ZYG11B: variants seen among roughly 807,000 people sequenced by gnomAD.
ZYG11B encodes zyg-11 family member B, cell cycle regulator, also known as protein zyg-11 homolog B.
Under a neutral mutation model 82.4 loss-of-function variants are expected in ZYG11B, and 36 were observed. The observed-to-expected ratio is 0.44, with a 90% CI of 0.33 to 0.58. ZYG11B has a LOEUF of 0.58. Among genes scored for constraint, ZYG11B ranks in the 20% least tolerant of loss-of-function variants. The pLI is 0.02. For synonymous variants in ZYG11B, 303 were observed against 312.8 expected, an observed-to-expected ratio of 0.97 and a Z score of 0.33; for missense variants, 552 against 895.6, an observed-to-expected ratio of 0.62 and a Z score of 4.90.
intron 12 of ZYG11B, among the ~76,000 whole-genome samples, chr1:52,816,100 A>AT (rs1396486522): frequency 2.0e-5 from 3 of 152,006 alleles, no homozygotes; most frequent in South Asian, 2.1e-4. Context: ...TGTTGCCAAC[A>AT]TTTTTTTTAT....
chr1:52,795,275 A>G (rs934188311), intron 6 of ZYG11B, among the ~76,000 whole-genome samples: 11 of 152,092 alleles, frequency 7.2e-5, no homozygotes, highest in African/African-American at 2.7e-4. Context: ...TCCTTCACCC[A>G]TGTAGGATGT....
rs1351006767 is a variant in ZYG11B, at chr1:52,813,849, T to C, written c.1894-11T>C. On this transcript the variant is annotated splice_polypyrimidine_tract_variant and intron_variant, in intron 11 of 13. Transcript: ENST00000294353. ...ATTGTAATCCTTTCTTGTGTGTCTTTTGTCTTCCAGCATTCAGCTATTTTG... is the reference window on the plus strand; with the variant it reads ...ATTGTAATCCTTTCTTGTGTGTCTTCTGTCTTCCAGCATTCAGCTATTTTG... 2 of 1,613,978 alleles carry C rather than the reference T, an allele frequency of 1.2e-6. No homozygotes were observed. The highest frequency in any genetic ancestry group is 1.7e-6 in the Non-Finnish European group (2 of 1,180,014).
chr1:52,781,176 C>T (rs546347369), intron 4 of ZYG11B, among the ~76,000 whole-genome samples: 1 of 152,132 alleles, frequency 6.6e-6, no homozygotes, highest in South Asian at 2.1e-4. Context: ...CCTTTAACCA[C>T]TAGAAGTCTA....
At chr1:52,765,341 C>T (rs114799407) in intron 2 of ZYG11B, among the ~76,000 whole-genome samples, 1 of 151,946 alleles carries the variant, frequency 6.6e-6, no homozygotes, top group East Asian at 1.9e-4. Context: ...TAGCTGAGAT[C>T]ACAGGTGCAT....
Position 52,726,579 on chromosome 1 carries a change from C to T in ZYG11B, c.-75C>T. 1.5e-6 allele frequency: 2 copies of T among 1,348,830 alleles called. No individual in the cohort carries two copies. The highest frequency in any genetic ancestry group is 1.8e-5 in the South Asian group (1 of 56,000). 83.6% of individuals were successfully genotyped at this position (1,348,830 alleles called of 1,614,324 possible). On this transcript the variant is annotated 5_prime_UTR_variant, in exon 1 of 14. Coordinates refer to ENST00000294353, the MANE Select transcript of ZYG11B (RefSeq NM_024646.3). ...CGGAGCCGCCGCTCGCCGGAGCCTC[C>T]TGGAGCCTCCGCGCCGGCTCAGCCT...
At position 52,796,280 on chromosome 1, in the gene ZYG11B, T is replaced by G; in HGVS notation, c.1335-12T>G. Reference sequence around the variant, plus strand: ...CCACGATTAATTCATGAAACCCTTTTTGTGTTTTCAGGTTTGAAGCAGCCA... The same window carrying G: ...CCACGATTAATTCATGAAACCCTTTGTGTGTTTTCAGGTTTGAAGCAGCCA... On this transcript the variant is annotated splice_polypyrimidine_tract_variant and intron_variant, in intron 6 of 13. Transcript: ENST00000294353. 1 of 1,609,460 alleles carries G rather than the reference T, an allele frequency of 6.2e-7. No individual in the cohort carries two copies. Among genetic ancestry groups the G allele is most frequent in the Non-Finnish European group, 8.5e-7 (1 of 1,175,972 alleles).
At chr1:52,813,503 C>T in intron 10 of ZYG11B, 33 bp from the exon 11 acceptor site, 1 of 1,507,162 alleles carries the variant, frequency 6.6e-7, no homozygotes, top group South Asian at 1.2e-5. Context: ...ATACATATTA[C>T]ATTAATTTTT....
chr1:52,770,805 G>T (rs1644743605), intron 2 of ZYG11B, among the ~76,000 whole-genome samples: 1 of 152,152 alleles, frequency 6.6e-6, no homozygotes, highest in Non-Finnish European at 1.5e-5. Flanking sequence ...TCCTGATTCT[G>T]CCACTTGCTA....
At chr1:52,756,408 C>T (rs1470608294) in intron 1 of ZYG11B, 50 bp from the exon 2 acceptor site, 1 of 1,565,438 alleles carries the variant, frequency 6.4e-7, no homozygotes, top group East Asian at 2.3e-5. Context: ...TTTCTGGAAA[C>T]TAACTAGTTG....
chr1:52,742,888 C>CT (rs1210413116), intron 1 of ZYG11B, among the ~76,000 whole-genome samples: 1 of 150,134 alleles, frequency 6.7e-6, no homozygotes, highest in African/African-American at 2.5e-5. Context: ...AGTAAAAGTT[C>CT]TGGGGGGCAG....
intron 2 of ZYG11B, among the ~76,000 whole-genome samples, chr1:52,767,370 T>A (rs1459951103): frequency 1.3e-5 from 2 of 152,024 alleles, no homozygotes; most frequent in Non-Finnish European, 2.9e-5. Context: ...AATGGTGCGA[T>A]CTCAACTCAC....
At chr1:52,748,541 T>A (rs1039089644) in intron 1 of ZYG11B, among the ~76,000 whole-genome samples, 1 of 152,152 alleles carries the variant, frequency 6.6e-6, no homozygotes, top group Non-Finnish European at 1.5e-5. Flanking sequence ...AGGAAAGACA[T>A]CACAGAAGTA....
At chr1:52,727,822 T>C (rs570131347) in intron 1 of ZYG11B, among the ~76,000 whole-genome samples, 1 of 152,176 alleles carries the variant, frequency 6.6e-6, no homozygotes, top group Non-Finnish European at 1.5e-5. Flanking sequence ...TGCTGTACAT[T>C]TATTGAAAAC....
At chr1:52,773,497 A>G (rs1045437870) in intron 3 of ZYG11B, among the ~76,000 whole-genome samples, 5 of 147,714 alleles carry the variant, frequency 3.4e-5, no homozygotes, top group Non-Finnish European at 7.4e-5. Flanking sequence ...AAAGAAAATG[A>G]TATAGGATCT....
At chr1:52,798,619 C>G (rs1363882663) in intron 8 of ZYG11B, among the ~76,000 whole-genome samples, 1 of 152,028 alleles carries the variant, frequency 6.6e-6, no homozygotes, top group Non-Finnish European at 1.5e-5. Flanking sequence ...TCCAAAAATA[C>G]AAAACACCTA....
intron 3 of ZYG11B, among the ~76,000 whole-genome samples, chr1:52,776,227 A>ATATATATATATATATAT (rs1553260249): frequency 3.4e-4 from 1 of 2,930 alleles, no homozygotes; most frequent in Non-Finnish European, 3.0e-3. Flanking sequence ...CTTAAAAAAA[A>ATATATATATATATATAT]AAATATATAT....
In ZYG11B at chr1:52,821,580, A is replaced by C. The variant is rs1374655784; in HGVS notation, c.2186A>C (p.His729Pro). 1.2e-6 allele frequency: 2 copies of C among 1,614,124 alleles called. No individual in the cohort carries two copies. Among genetic ancestry groups the C allele is most frequent in the Non-Finnish European group, 1.7e-6 (2 of 1,180,004 alleles). ...LDSLEKHIVR[H>P]GRPPPCKKQP... ...AGCTTAGAAAAACACATTGTGCGCC[A>C]TGGGAGGCCACCTCCCTGTAAAAAA... Residue 729 changes from histidine to proline, a missense_variant, in exon 14 of 14, where the codon CAT becomes CCT. This residue lies in a region of ZYG11B where 127 missense variants were observed against 163.4 expected (regional missense o/e 0.78). Transcript: ENST00000294353.
intron 10 of ZYG11B, among the ~76,000 whole-genome samples, chr1:52,804,699 T>G (rs1008714179): frequency 1.3e-5 from 2 of 152,186 alleles, no homozygotes; most frequent in African/African-American, 4.8e-5. Context: ...CTCTAGGATT[T>G]TGAGACAAAG....
chr1:52,781,370 G>A (rs887561611), intron 4 of ZYG11B, among the ~76,000 whole-genome samples: 1 of 152,056 alleles, frequency 6.6e-6, no homozygotes, highest in Non-Finnish European at 1.5e-5. Flanking sequence ...GTGGTGGCAC[G>A]CACCTGTAGT....
Sources: allele counts gnomAD v4.1 joint callset (sites outside exome capture counted in the v4.1 genomes callset), GRCh38; gene constraint gnomAD v4.1.1; regional missense constraint gnomAD v4.1.1; transcripts MANE v1.5; gene names NCBI Gene and HGNC (gene_info 2026-07-23, HGNC 2026-07-21).